The following ERBIN variants were observed in gnomAD, a reference collection of about 807,000 sequenced individuals.
The protein encoded by ERBIN is densin-180-like protein.
ERBIN carries 60 observed loss-of-function variants against 158.4 expected under a neutral mutation model. That is an observed-to-expected ratio of 0.38 (90% CI 0.31 to 0.47). The LOEUF (loss-of-function observed/expected upper bound fraction) is 0.47. Among genes scored for constraint, ERBIN ranks in the 20% least tolerant of loss-of-function variants. The pLI, the probability that ERBIN is intolerant of heterozygous loss-of-function variation, is 0.99. For synonymous variants in ERBIN, 594 were observed against 557.2 expected (o/e 1.07, Z -0.93); for missense variants, 1,610 against 1,648.0 (o/e 0.98, Z 0.40).
rs1561434532 is a variant in ERBIN, at chr5:66,054,666, T to C, written c.3348T>C (p.Thr1116=). 1 of 1,613,952 alleles carries C rather than the reference T, an allele frequency of 6.2e-7. No homozygotes were observed. Among genetic ancestry groups the C allele is most frequent in the Non-Finnish European group, 8.5e-7 (1 of 1,179,978 alleles). The part of the protein sequence containing the change: ...SYREFHSAGR[T]PPMMPGSQRP... ...GAGAGTTCCACTCAGCGGGAAGAACTCCTCCAATGATGCCAGGATCACAGA... is the reference window on the plus strand; with the variant it reads ...GAGAGTTCCACTCAGCGGGAAGAACCCCTCCAATGATGCCAGGATCACAGA... The change falls in exon 21 of 26, where the codon ACT becomes ACC. Residue 1116 remains threonine, a synonymous_variant. Coordinates refer to ENST00000284037, the MANE Select transcript of ERBIN (RefSeq NM_001253697.2).
At chr5:65,950,484 A>G (rs760212138) in intron 1 of ERBIN, among the ~76,000 whole-genome samples, 1 of 152,216 alleles carries the variant, frequency 6.6e-6, no homozygotes, top group African/African-American at 2.4e-5. Context: ...TGCTTTTCTT[A>G]CCATATCAAG....
intron 1 of ERBIN, among the ~76,000 whole-genome samples, chr5:65,935,911 G>C (rs993888165): frequency 6.6e-6 from 1 of 152,076 alleles, no homozygotes; most frequent in Non-Finnish European, 1.5e-5. Context: ...TTTTTATAGA[G>C]GTAGAGGTCT....
At chr5:65,947,243 A>G (rs556579924) in intron 1 of ERBIN, among the ~76,000 whole-genome samples, 1 of 151,692 alleles carries the variant, frequency 6.6e-6, no homozygotes, top group East Asian at 1.9e-4. Flanking sequence ...TCTGTGATCC[A>G]TTTTTTTTGA....
At chr5:65,984,237 G>T (rs537748272) in intron 1 of ERBIN, among the ~76,000 whole-genome samples, 3 of 151,042 alleles carry the variant, frequency 2.0e-5, no homozygotes, top group African/African-American at 7.4e-5. Context: ...CTCCTTGCAG[G>T]CAGGAGGCAG....
chr5:66,022,996 T>C (rs1020221695), intron 8 of ERBIN: 1 of 227,856 alleles, frequency 4.4e-6, no homozygotes, highest in Admixed American at 5.7e-5. Context: ...ATATAAAAAC[T>C]TGCCCCTGTT....
Position 66,046,433 on chromosome 5 carries a change from C to G in ERBIN, c.1683C>G (p.Ile561Met). ...TGATAGGAAACTCTGTACAGAAGAT[C>G]AGTGAACCTGAAGCTGAGATTAGTC... ...KYMIGNSVQKISEPEAEISPG... is the reference protein window; with the variant it reads ...KYMIGNSVQKMSEPEAEISPG... Residue 561 changes from isoleucine to methionine, a missense_variant, in exon 18 of 26, where the codon ATC becomes ATG. Ile to Met is a conservative substitution (Grantham distance 10). Transcript: ENST00000284037. The G allele has an allele frequency of 6.2e-7, 1 of 1,612,158 alleles. No individual in the cohort carries two copies. The highest frequency in any genetic ancestry group is 8.5e-7 in the Non-Finnish European group (1 of 1,178,700).
At chr5:65,933,844 T>G (rs1340429367) in intron 1 of ERBIN, among the ~76,000 whole-genome samples, 6 of 152,018 alleles carry the variant, frequency 3.9e-5, no homozygotes, top group Admixed American at 3.9e-4. Flanking sequence ...AGTTTGAACA[T>G]TTTTTTTCCT....
intron 1 of ERBIN, among the ~76,000 whole-genome samples, chr5:65,959,199 A>C (rs1052913572): frequency 6.6e-6 from 1 of 151,796 alleles, no homozygotes; most frequent in Non-Finnish European, 1.5e-5. Flanking sequence ...TTTTTTTTTT[A>C]ATTGCCAATC....
chr5:65,981,242 GAA>G (rs1323222407), intron 1 of ERBIN, among the ~76,000 whole-genome samples: 1 of 152,144 alleles, frequency 6.6e-6, no homozygotes, highest in Non-Finnish European at 1.5e-5. Context: ...AATAAATTCA[GAA>G]AAGACAGCAT....
At chr5:65,995,331 T>C (rs1752310208) in intron 4 of ERBIN, among the ~76,000 whole-genome samples, 1 of 151,398 alleles carries the variant, frequency 6.6e-6, no homozygotes, top group African/African-American at 2.4e-5. Context: ...CTACTCTGCC[T>C]CTGCCTCAGC....
chr5:65,978,068 A>G lies in ERBIN; in HGVS notation c.-57-10567A>G, dbSNP rs573401511. On this transcript the variant is annotated intron_variant, in intron 1 of 25. Transcript: ENST00000284037. ...TTAAGCAACAGCTTTGTGAATATAC[A>G]TATTTGTGATCTGTATTGTCACAAA... Among the ~76,000 whole-genome samples, 5 of 152,320 alleles carry G rather than the reference A, an allele frequency of 3.3e-5. No homozygotes were observed. In the South Asian group the frequency reaches 8.3e-4, roughly 25 times the overall value.
intron 21 of ERBIN, among the ~76,000 whole-genome samples, chr5:66,070,386 A>C (rs933144056): frequency 6.6e-6 from 1 of 152,190 alleles, no homozygotes; most frequent in African/African-American, 2.4e-5. Flanking sequence ...GGTGATAACT[A>C]TCAGTCTCTC....
At position 66,018,508 on chromosome 5, in the gene ERBIN, A is replaced by AT. The variant is rs1755155022; in HGVS notation, c.534-2813dup. On this transcript the variant is annotated intron_variant, in intron 7 of 25. Transcript: ENST00000284037. ...TATATTATATTATATAATATATATT[A>AT]TATATTATATAATATATATTATATT... Among the ~76,000 whole-genome samples the AT allele has an allele frequency of 1.7e-3, 17 of 10,068 alleles. 2 individuals carry two copies. The highest frequency in any genetic ancestry group is 5.1e-3 in the African/African-American group (16 of 3,126). The allele number at this position is 10,068 out of a possible 152,430, so 6.6% of individuals were successfully genotyped here. A position where few individuals can be genotyped will look rare whatever the true frequency, so the allele number is the denominator to read the frequency against.
rs758690896 is a variant in ERBIN, at chr5:66,024,405, C to G, written c.772C>G (p.Leu258Val). 6.9e-6 allele frequency: 11 copies of G among 1,603,910 alleles called. No homozygotes were observed. The East Asian group carries it at 2.2e-4, about 33-fold the overall frequency. The change falls in exon 10 of 26, where the codon CTC (leucine) becomes GTC (valine). Residue 258 changes from leucine to valine, a missense_variant. Coordinates refer to ENST00000284037, the MANE Select transcript of ERBIN (RefSeq NM_001253697.2). ...TTCAACATGTGAAAACCTTCAAGAC[C>G]TCCTATTATCAAGCAATTCACTTCA... is the stretch of plus-strand genomic sequence containing the variant. ...GISTCENLQD[L>V]LLSSNSLQQL...
intron 1 of ERBIN, among the ~76,000 whole-genome samples, chr5:65,960,934 GTC>G (rs1426863569): frequency 4.6e-5 from 7 of 152,040 alleles, no homozygotes; most frequent in African/African-American, 1.7e-4. Flanking sequence ...CCTTTGGCAA[GTC>G]TATTCATTTT....
In ERBIN at chr5:66,046,363, GTACTAC is replaced by G; in HGVS notation, c.1617_1622del (p.Thr540_Thr541del). Reference sequence around the variant, plus strand: ...TTTTCTTTTACTTAGACCTCAGAAAGTACTACTACAGTAAAAAGCAAAGTTGATGAA... The same window carrying G: ...TTTTCTTTTACTTAGACCTCAGAAAGTACAGTAAAAAGCAAAGTTGATGAA... On this transcript the variant is annotated inframe_deletion, in exon 18 of 26. Coordinates refer to ENST00000284037, the MANE Select transcript of ERBIN (RefSeq NM_001253697.2). 6.4e-7 allele frequency: 1 copy of G among 1,560,808 alleles called. No homozygotes were observed. The highest frequency in any genetic ancestry group is 8.7e-7 in the Non-Finnish European group (1 of 1,144,732).
chr5:65,953,598 T>C (rs1746763655), intron 1 of ERBIN, among the ~76,000 whole-genome samples: 2 of 152,202 alleles, frequency 1.3e-5, no homozygotes, highest in Admixed American at 6.5e-5. Flanking sequence ...CTGGGATTTA[T>C]TATGCTTTAA....
intron 1 of ERBIN, among the ~76,000 whole-genome samples, chr5:65,971,245 G>GTT (rs749173727): frequency 2.1e-5 from 3 of 142,018 alleles, no homozygotes; most frequent in South Asian, 2.2e-4. Context: ...GTGCATGCTG[G>GTT]TTTTTTTTTT....
At chr5:66,026,039 A>G (rs1289356184) in intron 12 of ERBIN, 62 bp downstream of exon 12, 4 of 1,369,140 alleles carry the variant, frequency 2.9e-6, no homozygotes, top group East Asian at 5.0e-5. Flanking sequence ...TATCTTCATT[A>G]TAGCTATTTA....
Sources: allele counts gnomAD v4.1 joint callset (sites outside exome capture counted in the v4.1 genomes callset), GRCh38; gene constraint gnomAD v4.1.1; transcripts MANE v1.5; gene names NCBI Gene and HGNC (gene_info 2026-07-23, HGNC 2026-07-21).